Variants in MARK3 observed in about 807,000 individuals in gnomAD.
The protein encoded by MARK3 is microtubule affinity regulating kinase 3, also known as MAP/microtubule affinity-regulating kinase 3.
A neutral mutation model predicts 90.1 loss-of-function variants in MARK3; 46 were observed. The ratio of observed to expected loss-of-function variants is 0.51; its 90% CI spans 0.40 to 0.65. MARK3 has a LOEUF of 0.65. Among genes scored for constraint, MARK3 ranks in the 30% least tolerant of loss-of-function variants. MARK3 has a pLI of 0.00. For synonymous variants in MARK3, 321 were observed against 332.6 expected (o/e 0.97, Z 0.38); for missense variants, 818 against 947.2 (o/e 0.86, Z 1.79).
chr14:103,386,374 A>G (rs771831324), intron 1 of MARK3: 15 of 676,770 alleles, frequency 2.2e-5, no homozygotes, highest in Admixed American at 6.1e-5. Flanking sequence ...TTGCCGCGCA[A>G]TGGATTGTGC....
chr14:103,456,269 G>A (rs1414634858), intron 5 of MARK3, among the ~76,000 whole-genome samples: 3 of 152,020 alleles, frequency 2.0e-5, no homozygotes, highest in Non-Finnish European at 4.4e-5. Flanking sequence ...GTCCCTTCCC[G>A]TCATTGGAAG....
At chr14:103,444,516 C>T (rs1265442495) in intron 3 of MARK3, among the ~76,000 whole-genome samples, 2 of 152,196 alleles carry the variant, frequency 1.3e-5, no homozygotes, top group African/African-American at 2.4e-5. Flanking sequence ...CGGTGGCTCA[C>T]GCCTGTAATC....
intron 5 of MARK3, among the ~76,000 whole-genome samples, chr14:103,456,755 T>C (rs1486856191): frequency 6.6e-6 from 1 of 152,242 alleles, no homozygotes; most frequent in African/African-American, 2.4e-5. Context: ...ATTTGTTGAA[T>C]GAATGAATAT....
At chr14:103,419,990 A>T (rs1182989003) in intron 2 of MARK3, among the ~76,000 whole-genome samples, 2 of 79,678 alleles carry the variant, frequency 2.5e-5, no homozygotes, top group Non-Finnish European at 7.2e-5. Flanking sequence ...CCTGTCTCTT[A>T]AGAAAAAGAA....
At chr14:103,496,437 G>A (rs1315489501) in intron 15 of MARK3, among the ~76,000 whole-genome samples, 1 of 151,428 alleles carries the variant, frequency 6.6e-6, no homozygotes, top group East Asian at 2.0e-4. Context: ...TTTTGAGACG[G>A]AGTCTCGCTC....
intron 2 of MARK3, among the ~76,000 whole-genome samples, chr14:103,414,905 G>A (rs1274131074): frequency 1.3e-5 from 2 of 152,048 alleles, no homozygotes; most frequent in African/African-American, 4.8e-5. Flanking sequence ...GGCCAAGGTG[G>A]GCAGATCACA....
intron 1 of MARK3, among the ~76,000 whole-genome samples, chr14:103,389,670 G>A (rs891302490): frequency 4.6e-5 from 7 of 151,780 alleles, no homozygotes; most frequent in African/African-American, 1.7e-4. Context: ...TTGGCCAGGT[G>A]CAGTGGCTCA....
At position 103,462,444 on chromosome 14, in the gene MARK3, G is replaced by A. The variant is rs2093420748; in HGVS notation, c.523G>A (p.Val175Ile). The A allele has an allele frequency of 6.2e-7, 1 of 1,603,790 alleles. No homozygotes were observed. Among genetic ancestry groups the A allele is most frequent in the Middle Eastern group, 1.7e-4 (1 of 6,032 alleles). ...AVQYCHQKRI[V>I]HRDLKAENLL... ...TCAATACTGCCATCAGAAACGGATC[G>A]TACATCGAGACCTCAAGGTGAGTAG... The change falls in exon 7 of 18, where the codon GTA (valine) becomes ATA (isoleucine). Residue 175 changes from valine (V) to isoleucine (I), a missense_variant. Transcript: ENST00000429436.
chr14:103,498,195 G>A (rs929480137), intron 15 of MARK3, among the ~76,000 whole-genome samples: 4 of 137,958 alleles, frequency 2.9e-5, no homozygotes, highest in Non-Finnish European at 6.4e-5. Flanking sequence ...GTGACAGAGT[G>A]AGACTCTGTC....
intron 10 of MARK3, 88 bp from the exon 11 acceptor site, chr14:103,466,991 T>C (rs564122680): frequency 6.2e-5 from 36 of 577,984 alleles, no homozygotes; most frequent in Admixed American, 1.4e-4. Context: ...GCAACAAGAG[T>C]GAAACTCCGT....
chr14:103,410,655 T>C (rs969989659), intron 2 of MARK3, among the ~76,000 whole-genome samples: 1 of 152,144 alleles, frequency 6.6e-6, no homozygotes, highest in African/African-American at 2.4e-5. Context: ...TGTGCTATGA[T>C]TGTACCGCTG....
intron 14 of MARK3, among the ~76,000 whole-genome samples, chr14:103,482,642 G>A (rs772127337): frequency 2.0e-5 from 3 of 152,150 alleles, no homozygotes; most frequent in Admixed American, 6.5e-5. Context: ...CCTCAAGGGT[G>A]TTAAGACTAA....
chr14:103,407,034 T>C (rs2091341623), intron 2 of MARK3, among the ~76,000 whole-genome samples: 1 of 151,906 alleles, frequency 6.6e-6, no homozygotes, highest in Admixed American at 6.6e-5. Flanking sequence ...GGGGTTTCAC[T>C]GTGTTAGCCA....
At chr14:103,440,837 G>A (rs2092832247) in intron 3 of MARK3, among the ~76,000 whole-genome samples, 1 of 149,546 alleles carries the variant, frequency 6.7e-6, no homozygotes, top group Non-Finnish European at 1.5e-5. Flanking sequence ...CAGATAATTG[G>A]GAGGCTGAGG....
Position 103,498,495 on chromosome 14 carries a change from C to G in MARK3, c.1845-7C>G. On this transcript the variant is annotated splice_polypyrimidine_tract_variant and splice_region_variant and intron_variant, in intron 15 of 17. Coordinates refer to ENST00000429436, the MANE Select transcript of MARK3 (RefSeq NM_001128918.3). ...ATTTTTTTTTTTTTTTACTTAATTTCTTTTAGAAACATGTCATTCAGGTTT... is the reference window on the plus strand; with the variant it reads ...ATTTTTTTTTTTTTTTACTTAATTTGTTTTAGAAACATGTCATTCAGGTTT... The G allele has an allele frequency of 1.7e-6, 2 of 1,162,998 alleles. No individual in the cohort carries two copies. The highest frequency in any genetic ancestry group is 1.1e-6 in the Non-Finnish European group (1 of 911,336). 72.0% of individuals were successfully genotyped at this position (1,162,998 alleles called of 1,614,324 possible).
intron 15 of MARK3, among the ~76,000 whole-genome samples, chr14:103,492,619 A>G (rs745374149): frequency 5.3e-5 from 8 of 152,194 alleles, no homozygotes; most frequent in Non-Finnish European, 1.0e-4. Context: ...TAATGTTACT[A>G]TTATTAAGTT....
At position 103,467,200 on chromosome 14, in the gene MARK3, A is replaced by G. The variant is rs1302313865; in HGVS notation, c.1110+9A>G. The G allele has an allele frequency of 1.5e-6, 2 of 1,378,744 alleles. No individual in the cohort carries two copies. Among genetic ancestry groups the G allele is most frequent in the African/African-American group, 1.4e-5 (1 of 69,906 alleles). 85.4% of individuals were successfully genotyped at this position (1,378,744 alleles called of 1,614,324 possible). A position where few individuals can be genotyped will look rare whatever the true frequency, so the allele number is the denominator to read the frequency against. ...GGAGAAAATCTTCAGAGGTAAGAGT[A>G]ATCAGAAAGAGCTGAAATACCCTGT... On this transcript the variant is annotated intron_variant, in intron 11 of 17. Transcript: ENST00000429436.
At chr14:103,500,104 G>A (rs1432793328) in intron 16 of MARK3, 52 bp from the exon 17 acceptor site, 3 of 1,461,988 alleles carry the variant, frequency 2.1e-6, no homozygotes, top group African/African-American at 2.8e-5. Context: ...TGGCATGTAA[G>A]ATTTCTTTTC....
rs1196821347 is a variant in MARK3 at position 103,480,370 on chromosome 14, A to T, written c.1483-17A>T. 4 of 1,519,966 alleles carry T rather than the reference A, an allele frequency of 2.6e-6. No homozygotes were observed. The South Asian group carries it at 4.6e-5, about 18-fold the overall frequency. 94.2% of individuals were successfully genotyped at this position (1,519,966 alleles called of 1,614,324 possible). On this transcript the variant is annotated splice_polypyrimidine_tract_variant and intron_variant, in intron 13 of 17. Coordinates refer to ENST00000429436, the MANE Select transcript of MARK3 (RefSeq NM_001128918.3). ...ATTTACCAAATAAATTTAAGACAAA[A>T]ATGCCCTTTTTTATAGAGTAACACA...
Sources: gnomAD v4.1 joint callset for allele counts (sites outside exome capture counted in the v4.1 genomes callset) on GRCh38, gnomAD v4.1.1 for gene constraint, MANE v1.5 for transcripts, NCBI Gene and HGNC (gene_info 2026-07-23, HGNC 2026-07-21) for gene names.